The following SNX25 variants were observed in gnomAD, a reference collection of about 807,000 sequenced individuals.
The protein encoded by SNX25 is sorting nexin 25.
In SNX25, 62 loss-of-function variants were observed where a neutral mutation model predicts 113.7. That is an observed-to-expected ratio of 0.55 (90% CI 0.44 to 0.67). The LOEUF is 0.67. Ranked by LOEUF, SNX25 falls within the 30% of genes least tolerant of loss-of-function variation. The probability of loss-of-function intolerance (pLI) is 0.00; values close to 1 mark genes in which losing one functional copy is unlikely to be tolerated. For synonymous variants in SNX25, 421 were observed against 436.2 expected, an observed-to-expected ratio of 0.97 and a Z score of 0.43; for missense variants, 1,014 against 1,161.0, an observed-to-expected ratio of 0.87 and a Z score of 1.84.
intron 9 of SNX25, among the ~76,000 whole-genome samples, chr4:185,327,928 C>G (rs186732454): frequency 4.7e-4 from 72 of 152,256 alleles, no homozygotes; most frequent in African/African-American, 1.7e-3. Context: ...ATTGCTTGAT[C>G]GATAAATGCA....
intron 1 of SNX25, among the ~76,000 whole-genome samples, chr4:185,246,576 T>C (rs563893488): frequency 1.3e-5 from 2 of 152,346 alleles, no homozygotes; most frequent in South Asian, 4.1e-4. Flanking sequence ...TTTTGAGTTA[T>C]TTTCTTATTT....
chr4:185,372,756 C>T (rs1358796378), downstream of SNX25: 16 of 1,018,624 alleles, frequency 1.6e-5, no homozygotes, highest in Non-Finnish European at 2.2e-5. Context: ...GCAGCCCTCT[C>T]CTGGCCTCTG....
chr4:185,230,144 A>G (rs1392551177), intron 1 of SNX25, among the ~76,000 whole-genome samples: 1 of 151,964 alleles, frequency 6.6e-6, no homozygotes, highest in Non-Finnish European at 1.5e-5. Flanking sequence ...CACTGTATTT[A>G]AAACTACCTC....
In SNX25 at chr4:185,209,754, C is replaced by T. The variant is rs1737444608; in HGVS notation, c.-73C>T. On this transcript the variant is annotated 5_prime_UTR_variant, in exon 1 of 19. Coordinates refer to ENST00000652585, the MANE Select transcript of SNX25 (RefSeq NM_001378034.2). This position sits in a 1 kb window ranked among gnomAD's most constrained non-coding sequence, Gnocchi z 5.2. Reference sequence around the variant, plus strand: ...CGGGCGAGGCATGAGCGCGGGCTCCCCCTGCCTCCGGAGCGCCGGCGGGGG... The same window carrying T: ...CGGGCGAGGCATGAGCGCGGGCTCCTCCTGCCTCCGGAGCGCCGGCGGGGG... The T allele has an allele frequency of 2.0e-6, 2 of 984,060 alleles. No individual in the cohort carries two copies. The highest frequency in any genetic ancestry group is 9.4e-5 in the South Asian group (2 of 21,284). The allele number at this position is 984,060 out of a possible 1,614,324, so 61.0% of individuals were successfully genotyped here. A position where few individuals can be genotyped will look rare whatever the true frequency, so the allele number is the denominator to read the frequency against.
the SNX25 span, chr4:185,378,382 C>G: frequency 7.2e-7 from 1 of 1,393,044 alleles, no homozygotes. Flanking sequence ...CACCAAGACC[C>G]TCCTCCCTAG....
chr4:185,240,909 C>G (rs528650851), intron 1 of SNX25, among the ~76,000 whole-genome samples: 1 of 151,304 alleles, frequency 6.6e-6, no homozygotes, highest in South Asian at 2.1e-4. Context: ...CTCCCCACAT[C>G]TCAGACGATG....
intron 1 of SNX25, among the ~76,000 whole-genome samples, chr4:185,229,663 T>C (rs1287555336): frequency 1.3e-5 from 2 of 152,124 alleles, no homozygotes; most frequent in Non-Finnish European, 2.9e-5. Context: ...CAGGCACAGT[T>C]TTGCTGACTA....
At position 185,334,324 on chromosome 4, in the gene SNX25, C is replaced by T. The variant is rs951399032; in HGVS notation, c.1914+1565C>T. Among the ~76,000 whole-genome samples the T allele has an allele frequency of 2.6e-5, 4 of 152,148 alleles. No homozygotes were observed. The highest frequency in any genetic ancestry group is 9.7e-5 in the African/African-American group (4 of 41,424). ...TGCACTTCCAGCCTGGGTGACACAG[C>T]AAGACTCCATCGATCAATCAATCAA... On this transcript the variant is annotated intron_variant, in intron 10 of 18. Transcript: ENST00000652585. The surrounding 1 kb of genome is among the most constrained non-coding windows in gnomAD (Gnocchi z 4.2).
intron 5 of SNX25, among the ~76,000 whole-genome samples, chr4:185,269,015 G>A (rs1351291530): frequency 2.0e-5 from 3 of 152,080 alleles, no homozygotes; most frequent in Non-Finnish European, 4.4e-5. Context: ...TAGACTACAT[G>A]ATATTCTTTA....
chr4:185,282,969 T>C (rs571837086), intron 5 of SNX25, among the ~76,000 whole-genome samples: 1 of 152,312 alleles, frequency 6.6e-6, no homozygotes, highest in South Asian at 2.1e-4. Context: ...TTTGGATGTA[T>C]ATATTGTATA....
chr4:185,214,995 C>T (rs1383470309), intron 1 of SNX25, among the ~76,000 whole-genome samples: 2 of 152,160 alleles, frequency 1.3e-5, no homozygotes, highest in East Asian at 3.9e-4. Flanking sequence ...CTTTGGGAGG[C>T]TGAGGCGGGT....
intron 1 of SNX25, among the ~76,000 whole-genome samples, chr4:185,230,280 A>G (rs1049851285): frequency 1.3e-5 from 2 of 152,188 alleles, no homozygotes; most frequent in Non-Finnish European, 2.9e-5. Flanking sequence ...TACAAATGAA[A>G]TATTATAATT....
intron 5 of SNX25, among the ~76,000 whole-genome samples, chr4:185,277,462 G>A (rs1268386722): frequency 2.0e-5 from 3 of 152,124 alleles, no homozygotes; most frequent in Non-Finnish European, 2.9e-5. Flanking sequence ...ACTGGCTTTT[G>A]GGCAAGGTGA....
chr4:185,302,100 G>GTTTT (rs35963129), intron 6 of SNX25, among the ~76,000 whole-genome samples: 1 of 129,906 alleles, frequency 7.7e-6, no homozygotes, highest in Non-Finnish European at 1.6e-5. Context: ...TGTTTTTTTT[G>GTTTT]TTTTTTTTTT....
intron 1 of SNX25, among the ~76,000 whole-genome samples, chr4:185,234,201 G>C (rs964642385): frequency 1.3e-5 from 2 of 151,934 alleles, no homozygotes; most frequent in African/African-American, 4.8e-5. Context: ...TACTTCTATT[G>C]ATCACTTAAT....
intron 5 of SNX25, among the ~76,000 whole-genome samples, chr4:185,281,787 G>A (rs992385590): frequency 3.3e-5 from 5 of 152,110 alleles, no homozygotes; most frequent in South Asian, 4.1e-4. Flanking sequence ...AGGCTGAGGC[G>A]GGCAGATCAC....
chr4:185,345,536 T>A (rs964677856), intron 12 of SNX25, among the ~76,000 whole-genome samples: 2 of 152,158 alleles, frequency 1.3e-5, no homozygotes, highest in African/African-American at 4.8e-5. Flanking sequence ...GACTCATGCC[T>A]GTAATTCCAG....
At chr4:185,266,817 C>A in intron 4 of SNX25, 152 bp from the exon 5 acceptor site, 1 of 634,308 alleles carries the variant, frequency 1.6e-6, no homozygotes, top group Non-Finnish European at 2.6e-6. Context: ...CATGTGTGTA[C>A]ATTTTTGAAT....
chr4:185,238,300 C>A lies in SNX25; in HGVS notation c.430-8994C>A, dbSNP rs190490471. On this transcript the variant is annotated intron_variant, in intron 1 of 18. Coordinates refer to ENST00000652585, the MANE Select transcript of SNX25 (RefSeq NM_001378034.2). ...AGTGGAGCCCGCCTGCCATGGGAGC[C>A]TGTGTTCTTTCTCTTAACACGGCTG... 2.0e-3 allele frequency among the ~76,000 whole-genome samples: 301 copies of A among 152,108 alleles called. 1 individual carries two copies. The highest frequency in any genetic ancestry group is 7.0e-3 in the African/African-American group (289 of 41,470).
Sources: allele counts gnomAD v4.1 joint callset (sites outside exome capture counted in the v4.1 genomes callset), GRCh38; gene constraint gnomAD v4.1.1; non-coding constraint Gnocchi (gnomAD v3.1); transcripts MANE v1.5; gene names NCBI Gene and HGNC (gene_info 2026-07-23, HGNC 2026-07-21).